Variants in MID1 observed in about 807,000 individuals in gnomAD.
MID1 encodes the protein E3 ubiquitin-protein ligase Midline-1.
Under a neutral mutation model 40.4 loss-of-function variants are expected in MID1, and 7 were observed. The observed-to-expected ratio is 0.17, with a 90% CI of 0.10 to 0.33. The LOEUF (loss-of-function observed/expected upper bound fraction) is 0.33. MID1 is among the 10% of genes least tolerant of loss of function. The pLI is 1.00. For synonymous variants in MID1, 229 were observed against 221.2 expected (o/e 1.04, Z -0.31); for missense variants, 367 against 558.5 (o/e 0.66, Z 3.46).
intron 8 of MID1, among the ~76,000 whole-genome samples, chrX:10,456,670 C>T (rs757326327): frequency 2.7e-3 from 301 of 111,427 alleles, no homozygotes; most frequent in Non-Finnish European, 4.5e-3. Flanking sequence ...AACCCCATCT[C>T]TACTAAAAAT....
chrX:10,766,586 TAAG>T (rs2043731149), intron 1 of MID1, among the ~76,000 whole-genome samples: 1 of 111,387 alleles, frequency 9.0e-6, no homozygotes, highest in South Asian at 3.8e-4. Context: ...AAAAACACAA[TAAG>T]AAGAAAGCTG....
At chrX:10,512,757 A>G (rs1325515922) in intron 3 of MID1, among the ~76,000 whole-genome samples, 3 of 112,273 alleles carry the variant, frequency 2.7e-5, no homozygotes, top group Non-Finnish European at 5.6e-5. Context: ...CTTGTCAGAG[A>G]ATTAGACCAC....
chrX:10,535,379 T>C (rs935749019), intron 2 of MID1, among the ~76,000 whole-genome samples: 1 of 112,404 alleles, frequency 8.9e-6, no homozygotes, highest in African/African-American at 3.2e-5. Flanking sequence ...AATAAAAATA[T>C]ATTTGTAATG....
intron 1 of MID1, among the ~76,000 whole-genome samples, chrX:10,813,757 C>G (rs1017387140): frequency 8.9e-6 from 1 of 111,739 alleles, no homozygotes; most frequent in African/African-American, 3.3e-5. Flanking sequence ...CAGGGAATGC[C>G]TGGAAACCAA....
chrX:10,827,822 CAGA>C (rs2044225811), intron 1 of MID1, among the ~76,000 whole-genome samples: 1 of 110,873 alleles, frequency 9.0e-6, no homozygotes, highest in South Asian at 3.9e-4. Context: ...CGGCACGGTG[CAGA>C]AAAGCACAGA....
At chrX:10,762,649 G>C (rs1010031620) in intron 1 of MID1, among the ~76,000 whole-genome samples, 1 of 110,532 alleles carries the variant, frequency 9.0e-6, no homozygotes, top group African/African-American at 3.3e-5. Flanking sequence ...TGCCCAGGCT[G>C]GTCTCAAACT....
chrX:10,519,500 C>T (rs1266561050), intron 3 of MID1, among the ~76,000 whole-genome samples: 2 of 111,734 alleles, frequency 1.8e-5, no homozygotes, highest in African/African-American at 6.5e-5. Context: ...CAACACACTG[C>T]TGCCTTCACA....
intron 1 of MID1, among the ~76,000 whole-genome samples, chrX:10,662,236 G>A (rs1424137599): frequency 4.6e-5 from 5 of 109,757 alleles, no homozygotes; most frequent in African/African-American, 1.0e-4. Flanking sequence ...CCGGGGAGGC[G>A]GAGGTTGTGG....
intron 1 of MID1, among the ~76,000 whole-genome samples, chrX:10,632,218 G>A (rs1936060085): frequency 9.0e-6 from 1 of 111,700 alleles, no homozygotes; most frequent in African/African-American, 3.3e-5. Flanking sequence ...ATTACCAAAT[G>A]TACTATTCTA....
chrX:10,619,015 C>A (rs1313522428), intron 1 of MID1, among the ~76,000 whole-genome samples: 2 of 111,961 alleles, frequency 1.8e-5, no homozygotes, highest in African/African-American at 3.2e-5. Context: ...TCCCCACAGT[C>A]CCTACCAAGG....
At chrX:10,688,313 T>C (rs1435190036) in intron 1 of MID1, among the ~76,000 whole-genome samples, 1 of 112,234 alleles carries the variant, frequency 8.9e-6, no homozygotes, top group Non-Finnish European at 1.9e-5. Flanking sequence ...CCCATTTTTG[T>C]AACCAGCATT....
At chrX:10,737,481 A>AGAGCC (rs2043495332) in intron 1 of MID1, among the ~76,000 whole-genome samples, 1 of 112,627 alleles carries the variant, frequency 8.9e-6, no homozygotes, top group Non-Finnish European at 1.9e-5. Context: ...GGCCAATGCC[A>AGAGCC]GAGCCTGGAA....
At chrX:10,470,779 T>C (rs1929662699) in intron 6 of MID1, among the ~76,000 whole-genome samples, 1 of 112,299 alleles carries the variant, frequency 8.9e-6, no homozygotes, top group African/African-American at 3.2e-5. Context: ...GAGTTTAAAA[T>C]GACTTCTACT....
chrX:10,709,396 T>G (rs948415159), intron 1 of MID1, among the ~76,000 whole-genome samples: 1 of 112,456 alleles, frequency 8.9e-6, no homozygotes, highest in Non-Finnish European at 1.9e-5. Context: ...ATGTGTGCAA[T>G]GAACTGCATG....
intron 1 of MID1, among the ~76,000 whole-genome samples, chrX:10,791,780 T>C (rs1267863922): frequency 2.7e-5 from 3 of 110,731 alleles, no homozygotes; most frequent in Non-Finnish European, 5.7e-5. Flanking sequence ...GTGGTATGCA[T>C]GTGTGTGTGT....
chrX:10,587,878 A>G (rs1292717129), intron 1 of MID1, among the ~76,000 whole-genome samples: 1 of 110,735 alleles, frequency 9.0e-6, no homozygotes, highest in African/African-American at 3.3e-5. Context: ...CCTTTATATT[A>G]GTGTTATTGA....
intron 1 of MID1, among the ~76,000 whole-genome samples, chrX:10,593,545 T>C (rs1221390899): frequency 1.8e-5 from 2 of 111,579 alleles, no homozygotes; most frequent in Non-Finnish European, 3.8e-5. Context: ...AGTCTTACAT[T>C]TTAGCGTTCC....
At chrX:10,775,370 AC>A (rs1442715039) in intron 1 of MID1, among the ~76,000 whole-genome samples, 1 of 110,585 alleles carries the variant, frequency 9.0e-6, no homozygotes, top group Non-Finnish European at 1.9e-5. Context: ...GGGCCAAGAA[AC>A]CTCACATTAG....
chrX:10,496,321 G>A (rs1602305166), intron 3 of MID1, among the ~76,000 whole-genome samples: 1 of 112,273 alleles, frequency 8.9e-6, no homozygotes, highest in African/African-American at 3.2e-5. Flanking sequence ...GTTCTACAAC[G>A]AAAGCATAAC....
Sources: allele counts gnomAD v4.1 joint callset (sites outside exome capture counted in the v4.1 genomes callset), GRCh38; gene constraint gnomAD v4.1.1; transcripts MANE v1.5; gene names NCBI Gene and HGNC (gene_info 2026-07-23, HGNC 2026-07-21).